Variants in DYRK4 observed in about 807,000 individuals in gnomAD.
DYRK4 encodes the protein dual specificity tyrosine-phosphorylation-regulated kinase 4.
DYRK4 carries 64 observed loss-of-function variants against 68.3 expected under a neutral mutation model. That is an observed-to-expected ratio of 0.94 (90% CI 0.77 to 1.15). The LOEUF (loss-of-function observed/expected upper bound fraction) is 1.15. Among genes scored for constraint, DYRK4 ranks in the 50% most tolerant of loss-of-function variants. The pLI is 0.00. For synonymous variants in DYRK4, 274 were observed against 289.9 expected (o/e 0.95, Z 0.56); for missense variants, 740 against 764.7 (o/e 0.97, Z 0.38).
At chr12:4,603,911 C>CT (rs1167484604) in intron 10 of DYRK4, among the ~76,000 whole-genome samples, 2 of 152,086 alleles carry the variant, frequency 1.3e-5, no homozygotes, top group Non-Finnish European at 2.9e-5. Context: ...TTTCTGACAT[C>CT]TTTTTTATCT....
chr12:4,589,555 C>T (rs1430433125), intron 3 of DYRK4, among the ~76,000 whole-genome samples: 1 of 152,148 alleles, frequency 6.6e-6, no homozygotes, highest in Non-Finnish European at 1.5e-5. Flanking sequence ...TTTTAGATCC[C>T]ATAAATAAGT....
intron 2 of DYRK4, among the ~76,000 whole-genome samples, chr12:4,578,788 G>A (rs1480984777): frequency 1.3e-5 from 2 of 152,116 alleles, no homozygotes; most frequent in Non-Finnish European, 2.9e-5. Flanking sequence ...TGGCAGCATA[G>A]GAATGCCAGT....
intron 2 of DYRK4, among the ~76,000 whole-genome samples, chr12:4,579,302 AATG>A (rs1418087731): frequency 6.6e-6 from 1 of 152,116 alleles, no homozygotes; most frequent in Non-Finnish European, 1.5e-5. Flanking sequence ...TGATAATAAT[AATG>A]ATAAATAAAT....
chr12:4,588,851 GT>G (rs1329491777), intron 2 of DYRK4, 85 bp from the exon 3 acceptor site: 2 of 1,341,608 alleles, frequency 1.5e-6, no homozygotes, highest in African/African-American at 2.9e-5. Context: ...CTCAAGCATA[GT>G]TTGTTTATTG....
chr12:4,583,854 A>G (rs1944867893), intron 2 of DYRK4, among the ~76,000 whole-genome samples: 1 of 152,218 alleles, frequency 6.6e-6, no homozygotes, highest in African/African-American at 2.4e-5. Flanking sequence ...AGCAAATCCA[A>G]GATTGGCTCT....
chr12:4,572,531 G>A (rs990196581), intron 2 of DYRK4, among the ~76,000 whole-genome samples: 1 of 152,164 alleles, frequency 6.6e-6, no homozygotes, highest in Admixed American at 6.5e-5. Flanking sequence ...TCCTGACCTC[G>A]TGATCCATCC....
intron 3 of DYRK4, among the ~76,000 whole-genome samples, chr12:4,589,296 GTAA>G (rs1189367408): frequency 2.0e-5 from 3 of 152,176 alleles, no homozygotes; most frequent in African/African-American, 7.2e-5. Context: ...TATGCAATGT[GTAA>G]TAATCACATC....
intron 2 of DYRK4, among the ~76,000 whole-genome samples, chr12:4,587,126 A>G (rs1944905468): frequency 6.6e-6 from 1 of 152,202 alleles, no homozygotes; most frequent in Non-Finnish European, 1.5e-5. Context: ...ACAAATTGTT[A>G]GTGGTTCACT....
intron 2 of DYRK4, among the ~76,000 whole-genome samples, chr12:4,580,474 G>A (rs753923315): frequency 6.6e-6 from 1 of 152,216 alleles, no homozygotes; most frequent in Non-Finnish European, 1.5e-5. Flanking sequence ...GAGATGCTGT[G>A]ATTTGTTCAA....
At chr12:4,611,564 G>C (rs1486780411) in intron 13 of DYRK4, among the ~76,000 whole-genome samples, 1 of 152,204 alleles carries the variant, frequency 6.6e-6, no homozygotes, top group Non-Finnish European at 1.5e-5. Context: ...AAAGCCCCGT[G>C]TCTAGACTTT....
Position 4,599,796 on chromosome 12 carries a change from C to G in DYRK4, c.1126+8C>G, listed in dbSNP as rs773784031. On this transcript the variant is annotated splice_region_variant and intron_variant, in intron 10 of 14. Coordinates refer to ENST00000543431, the MANE Select transcript of DYRK4 (RefSeq NM_001394779.1). ...GTTATGAACACCAGAAAGGTGAGCCCCATGTCAGTCCCATCATCTGAGTTT... is the reference window on the plus strand; with the variant it reads ...GTTATGAACACCAGAAAGGTGAGCCGCATGTCAGTCCCATCATCTGAGTTT... 5.0e-6 allele frequency: 8 copies of G among 1,610,214 alleles called. No individual in the cohort carries two copies. In the East Asian group the frequency reaches 1.6e-4, roughly 31 times the overall value.
At chr12:4,564,318 T>G (rs776737435) in intron 1 of DYRK4, 3 of 151,820 alleles carry the variant, frequency 2.0e-5, no homozygotes, top group Non-Finnish European at 4.4e-5. Context: ...ATACATCTAT[T>G]ATATATCAAT....
rs1945258641 is a variant in DYRK4 at position 4,613,809 on chromosome 12, A to C, written c.*56A>C. 7.0e-7 allele frequency: 1 copy of C among 1,438,104 alleles called. No individual in the cohort carries two copies. Among genetic ancestry groups the C allele is most frequent in the Admixed American group, 2.4e-5 (1 of 41,790 alleles). 89.1% of individuals were successfully genotyped at this position (1,438,104 alleles called of 1,614,324 possible). A position where few individuals can be genotyped will look rare whatever the true frequency, so the allele number is the denominator to read the frequency against. On this transcript the variant is annotated 3_prime_UTR_variant, in exon 15 of 15. Transcript: ENST00000543431. The surrounding 1 kb of genome is among the most constrained non-coding windows in gnomAD (Gnocchi z 4.0). ...CACCAGTGATTTGTATTAAGACAGCACTTATATTGTACAATACTTCAGACT... is the reference window on the plus strand; with the variant it reads ...CACCAGTGATTTGTATTAAGACAGCCCTTATATTGTACAATACTTCAGACT...
chr12:4,607,224 C>A, intron 11 of DYRK4, 103 bp from the exon 12 acceptor site: 2 of 1,309,254 alleles, frequency 1.5e-6, no homozygotes, highest in Non-Finnish European at 2.2e-6. Flanking sequence ...TGCTTTGAAT[C>A]CTTATCTGTA....
chr12:4,589,189 T>C (rs1944927196), intron 3 of DYRK4, among the ~76,000 whole-genome samples, 172 bp downstream of exon 3: 1 of 152,050 alleles, frequency 6.6e-6, no homozygotes, highest in Admixed American at 6.5e-5. Flanking sequence ...ACGCCCCATC[T>C]CCTCCACATG....
chr12:4,578,894 C>T (rs951097987), intron 2 of DYRK4, among the ~76,000 whole-genome samples: 5 of 152,152 alleles, frequency 3.3e-5, no homozygotes, highest in Non-Finnish European at 5.9e-5. Flanking sequence ...TCATCCCATA[C>T]GTGATTATTG....
At chr12:4,576,890 G>A (rs1415634630) in intron 2 of DYRK4, among the ~76,000 whole-genome samples, 1 of 152,098 alleles carries the variant, frequency 6.6e-6, no homozygotes, top group African/African-American at 2.4e-5. Flanking sequence ...AGAGTACTTT[G>A]TATACTTAGA....
At chr12:4,597,362 G>A (rs1466085394) in intron 8 of DYRK4, among the ~76,000 whole-genome samples, 1 of 152,240 alleles carries the variant, frequency 6.6e-6, no homozygotes, top group Admixed American at 6.5e-5. Flanking sequence ...AGCTCTCAGA[G>A]TGTTACTGGA....
intron 1 of DYRK4, among the ~76,000 whole-genome samples, chr12:4,564,157 T>C (rs186079458): frequency 6.6e-6 from 1 of 152,316 alleles, no homozygotes; most frequent in Admixed American, 6.5e-5. Flanking sequence ...TGAGTGTGAC[T>C]TAAAATACAT....
Sources: gnomAD v4.1 joint callset for allele counts (sites outside exome capture counted in the v4.1 genomes callset) on GRCh38, gnomAD v4.1.1 for gene constraint, Gnocchi (gnomAD v3.1) non-coding constraint, MANE v1.5 for transcripts, NCBI Gene and HGNC (gene_info 2026-07-23, HGNC 2026-07-21) for gene names.